Variants in SAMD4A observed in about 807,000 individuals in gnomAD.
SAMD4A encodes the protein protein Smaug homolog 1.
SAMD4A carries 33 observed loss-of-function variants against 81.3 expected under a neutral mutation model. That is an observed-to-expected ratio of 0.41 (90% CI 0.31 to 0.54). SAMD4A has a LOEUF of 0.54. SAMD4A is among the 20% of genes least tolerant of loss of function. SAMD4A has a pLI of 0.37. For missense variants in SAMD4A, 854 were observed against 951.1 expected, an observed-to-expected ratio of 0.90 and a Z score of 1.34; for synonymous variants, 389 against 382.1, an observed-to-expected ratio of 1.02 and a Z score of -0.21.
Position 54,609,076 on chromosome 14 carries a change from A to G in SAMD4A, c.196+40964A>G, listed in dbSNP as rs192248908. On this transcript the variant is annotated intron_variant, in intron 2 of 12. Coordinates refer to ENST00000554335, the MANE Select transcript of SAMD4A (RefSeq NM_015589.6). ...TGTCCTAATCTCCAGAACCTGTGAAAATGTTATGTTACATGGAGTAGGGGG... is the reference window on the plus strand; with the variant it reads ...TGTCCTAATCTCCAGAACCTGTGAAGATGTTATGTTACATGGAGTAGGGGG... 3.0e-4 allele frequency among the ~76,000 whole-genome samples: 45 copies of G among 152,350 alleles called. No homozygotes were observed. In the East Asian group the frequency reaches 4.4e-3, roughly 15 times the overall value.
chr14:54,737,216 G>T lies in SAMD4A; in HGVS notation c.908G>T (p.Gly303Val). Residue 303 changes from glycine (G) to valine (V), a missense_variant, in exon 4 of 13, where the codon GGT becomes GTT. Gly to Val is a moderately radical substitution (Grantham distance 109, BLOSUM62 -3). Coordinates refer to ENST00000554335, the MANE Select transcript of SAMD4A (RefSeq NM_015589.6). Reference sequence around the variant, plus strand: ...AGCAGTGTAGCCTCTTCAGGAAGTGGTGGGAGTGAACACTTAGAAGATCAG... The same window carrying T: ...AGCAGTGTAGCCTCTTCAGGAAGTGTTGGGAGTGAACACTTAGAAGATCAG... ...PQSSVASSGS[G>V]GSEHLEDQTT... 2 of 1,614,124 alleles carry T rather than the reference G, an allele frequency of 1.2e-6. No homozygotes were observed. The highest frequency in any genetic ancestry group is 1.7e-6 in the Non-Finnish European group (2 of 1,180,018).
At chr14:54,721,796 T>C (rs2037269359) in intron 3 of SAMD4A, among the ~76,000 whole-genome samples, 1 of 152,204 alleles carries the variant, frequency 6.6e-6, no homozygotes. Context: ...TGAAGTTTTT[T>C]TGAGGCTCTA....
chr14:54,685,766 T>C (rs989346363), intron 2 of SAMD4A: 6 of 456,612 alleles, frequency 1.3e-5, no homozygotes, highest in Non-Finnish European at 2.6e-5. Flanking sequence ...AGAAAATCTC[T>C]GAGGTCCCTT....
rs1260538002 is a variant in SAMD4A, at chr14:54,790,313, G to C, written c.*1369G>C. Reference sequence around the variant, plus strand: ...AGCCCCGCCATCTCCAGTGGGCGATGAAAGATGTAGGAAAGGTTGATTTCA... The same window carrying C: ...AGCCCCGCCATCTCCAGTGGGCGATCAAAGATGTAGGAAAGGTTGATTTCA... On this transcript the variant is annotated 3_prime_UTR_variant, in exon 13 of 13. Coordinates refer to ENST00000554335, the MANE Select transcript of SAMD4A (RefSeq NM_015589.6). 1 of 152,288 alleles carries C rather than the reference G, an allele frequency of 6.6e-6. No individual in the cohort carries two copies. The allele number at this position is 152,288 out of a possible 1,614,324, so 9.4% of individuals were successfully genotyped here.
intron 2 of SAMD4A, among the ~76,000 whole-genome samples, chr14:54,576,786 A>G (rs114975063): frequency 0.012 from 1,903 of 152,290 alleles, 42 homozygotes; most frequent in African/African-American, 0.043. Context: ...GTGAGAATCT[A>G]GTTGTGTGGC....
intron 2 of SAMD4A, among the ~76,000 whole-genome samples, chr14:54,673,787 T>C (rs1430406683): frequency 6.6e-6 from 1 of 152,234 alleles, no homozygotes; most frequent in Non-Finnish European, 1.5e-5. Context: ...GGTCATCTTA[T>C]TGACTGAGCT....
rs34263162 is a variant in SAMD4A at position 54,737,561 on chromosome 14, T to TTTTTTTTTTG, written c.979+274_979+275insTTTTTTTTTG. Among the ~76,000 whole-genome samples, 289 of 122,554 alleles carry TTTTTTTTTTG rather than the reference T, an allele frequency of 2.4e-3. 12 individuals are homozygous for TTTTTTTTTTG. The highest frequency in any genetic ancestry group is 6.8e-3 in the East Asian group (27 of 3,990). The allele number at this position is 122,554 out of a possible 152,430, so 80.4% of individuals were successfully genotyped here. A position where few individuals can be genotyped will look rare whatever the true frequency, so the allele number is the denominator to read the frequency against. The stretch of plus-strand genomic sequence containing the variant: ...CTCTCTCTTTTTTTTTTTTTTTTTT[T>TTTTTTTTTTG]GCATTGCAGTGACTTGTAGACCATT... On this transcript the variant is annotated intron_variant, in intron 4 of 12. Transcript: ENST00000554335.
At chr14:54,756,549 C>T (rs1430874374) in intron 6 of SAMD4A, among the ~76,000 whole-genome samples, 2 of 152,166 alleles carry the variant, frequency 1.3e-5, no homozygotes, top group African/African-American at 4.8e-5. Flanking sequence ...GTTTTCATAT[C>T]CCCAGTGTGT....
At chr14:54,664,810 A>AACAC (rs140875623) in intron 2 of SAMD4A, among the ~76,000 whole-genome samples, 10,951 of 141,626 alleles carry the variant, frequency 0.077, 572 homozygotes, top group Admixed American at 0.18. Context: ...ATGTGAATCC[A>AACAC]ACACACACAC....
chr14:54,639,429 G>GT (rs2035114411), intron 2 of SAMD4A, among the ~76,000 whole-genome samples: 1 of 152,176 alleles, frequency 6.6e-6, no homozygotes, highest in African/African-American at 2.4e-5. Context: ...CTAACCCAGA[G>GT]TTCTCTCTCA....
intron 3 of SAMD4A, among the ~76,000 whole-genome samples, chr14:54,712,095 G>A (rs534844136): frequency 5.6e-4 from 86 of 152,254 alleles, no homozygotes; most frequent in African/African-American, 2.0e-3. Context: ...AAGGAAAGAG[G>A]CCTTTGCAAA....
At chr14:54,777,552 G>C (rs4901544) in intron 11 of SAMD4A, among the ~76,000 whole-genome samples, 140,776 of 152,226 alleles carry the variant, frequency 0.92, 65,656 homozygotes, top group East Asian at 1. Context: ...GGTCGTGGCC[G>C]ATGGTGGGGG....
Position 54,760,649 on chromosome 14 carries a change from G to T in SAMD4A, c.1510+155G>T, listed in dbSNP as rs74441986. On this transcript the variant is annotated intron_variant, in intron 7 of 12. Transcript: ENST00000554335. ...GATAGGGAAAGTGCAGTTCAGAGAG[G>T]TTAAGCCTTTTGGGTTTGAACTGCA... 3.4e-3 allele frequency among the ~76,000 whole-genome samples: 516 copies of T among 152,324 alleles called. 3 individuals are homozygous for T. Among genetic ancestry groups the T allele is most frequent in the African/African-American group, 0.012 (494 of 41,564 alleles).
intron 2 of SAMD4A, among the ~76,000 whole-genome samples, chr14:54,597,674 C>T (rs751742405): frequency 3.3e-5 from 5 of 150,292 alleles, no homozygotes; most frequent in Non-Finnish European, 5.9e-5. Context: ...ACTGCAGCCT[C>T]GACCTCCCAG....
chr14:54,585,574 C>T (rs1383844380), intron 2 of SAMD4A, among the ~76,000 whole-genome samples: 1 of 152,062 alleles, frequency 6.6e-6, no homozygotes, highest in East Asian at 1.9e-4. Flanking sequence ...CCAGTGAGTA[C>T]TCTTTTATCC....
chr14:54,776,343 C>G lies in SAMD4A; in HGVS notation c.1918-71C>G, dbSNP rs140138327. 6.3e-4 allele frequency: 944 copies of G among 1,503,200 alleles called. 8 individuals carry two copies. The African/African-American group carries it at 0.012, about 19-fold the overall frequency. 93.1% of individuals were successfully genotyped at this position (1,503,200 alleles called of 1,614,324 possible). ...TCCTGGGATCTTTGCCTCCCAAATTCTTGCTGGCGGCTCTGCTCTCCACCC... is the reference window on the plus strand; with the variant it reads ...TCCTGGGATCTTTGCCTCCCAAATTGTTGCTGGCGGCTCTGCTCTCCACCC... On this transcript the variant is annotated intron_variant, in intron 10 of 12. Coordinates refer to ENST00000554335, the MANE Select transcript of SAMD4A (RefSeq NM_015589.6).
At chr14:54,591,342 G>A (rs2033769590) in intron 2 of SAMD4A, among the ~76,000 whole-genome samples, 1 of 152,104 alleles carries the variant, frequency 6.6e-6, no homozygotes, top group Non-Finnish European at 1.5e-5. Context: ...CATTTAGTGG[G>A]TGGTGCCAAG....
intron 8 of SAMD4A, among the ~76,000 whole-genome samples, chr14:54,767,733 G>A (rs1219091315): frequency 6.6e-6 from 1 of 152,196 alleles, no homozygotes; most frequent in African/African-American, 2.4e-5. Flanking sequence ...TGCCAGCGGA[G>A]GGGGCTGCAG....
intron 2 of SAMD4A, among the ~76,000 whole-genome samples, chr14:54,590,413 C>A (rs932391237): frequency 4.6e-5 from 7 of 152,142 alleles, no homozygotes; most frequent in Non-Finnish European, 1.0e-4. Context: ...ATCGCCTGAG[C>A]CCAGGAGGTC....
Sources: allele counts gnomAD v4.1 joint callset (sites outside exome capture counted in the v4.1 genomes callset), GRCh38; gene constraint gnomAD v4.1.1; transcripts MANE v1.5; gene names NCBI Gene and HGNC (gene_info 2026-07-23, HGNC 2026-07-21).